MYO5B: variants seen among roughly 807,000 people sequenced by gnomAD.
MYO5B encodes the protein unconventional myosin-Vb.
A neutral mutation model predicts 229.3 loss-of-function variants in MYO5B; 143 were observed. The observed-to-expected ratio is 0.62, with a 90% CI of 0.54 to 0.72. The LOEUF (loss-of-function observed/expected upper bound fraction) is 0.72, where lower values mean the gene tolerates loss of function less well. Ranked by LOEUF, MYO5B falls within the 30% of genes least tolerant of loss-of-function variation. MYO5B has a pLI of 0.00. For synonymous variants in MYO5B, 918 were observed against 885.2 expected, an observed-to-expected ratio of 1.04 and a Z score of -0.66; for missense variants, 2,321 against 2,331.0, an observed-to-expected ratio of 1.00 and a Z score of 0.09.
At chr18:50,022,703 G>A (rs1477530174) in intron 4 of MYO5B, among the ~76,000 whole-genome samples, 14 of 152,134 alleles carry the variant, frequency 9.2e-5, no homozygotes, top group Admixed American at 8.5e-4. Context: ...TTTGCACCAC[G>A]GTCAGAGAGA....
Position 49,875,275 on chromosome 18 carries a change from G to A in MYO5B, c.3537+412C>T, listed in dbSNP as rs567655047. ...AAAGTGAGTGACACACACTTGGTCT[G>A]CCTCTGACCCAAAAAGGCTGAACCC... On this transcript the variant is annotated intron_variant, in intron 26 of 39. Coordinates refer to ENST00000285039, the MANE Select transcript of MYO5B (RefSeq NM_001080467.3). 9.8e-5 allele frequency among the ~76,000 whole-genome samples: 15 copies of A among 152,296 alleles called. No individual in the cohort carries two copies. The South Asian group carries it at 2.9e-3, about 30-fold the overall frequency.
At chr18:50,038,797 C>G (rs1281182152) in intron 3 of MYO5B, among the ~76,000 whole-genome samples, 1 of 152,196 alleles carries the variant, frequency 6.6e-6, no homozygotes, top group Non-Finnish European at 1.5e-5. Flanking sequence ...CTGATGGTCA[C>G]TTATCTTTTT....
chr18:49,841,100 G>T (rs963034807), intron 35 of MYO5B, among the ~76,000 whole-genome samples: 2 of 152,194 alleles, frequency 1.3e-5, no homozygotes, highest in Non-Finnish European at 2.9e-5. Flanking sequence ...GGCCTCTATT[G>T]ATCATGGGTT....
chr18:50,002,811 G>A (rs556310869), intron 4 of MYO5B, among the ~76,000 whole-genome samples: 1 of 152,228 alleles, frequency 6.6e-6, no homozygotes, highest in East Asian at 1.9e-4. Flanking sequence ...TCCATATGAG[G>A]ACAGGTTTAG....
intron 1 of MYO5B, among the ~76,000 whole-genome samples, chr18:50,080,587 C>T (rs2031196573): frequency 6.6e-6 from 1 of 152,144 alleles, no homozygotes; most frequent in African/African-American, 2.4e-5. Context: ...CCACAGTCAC[C>T]AGAAGCCTCC....
chr18:49,930,854 T>C (rs1191682318), intron 16 of MYO5B, among the ~76,000 whole-genome samples: 3 of 149,556 alleles, frequency 2.0e-5, no homozygotes, highest in Non-Finnish European at 3.0e-5. Flanking sequence ...ATCGTGCCAC[T>C]GCACTGCAGC....
chr18:50,000,518 C>G (rs2026034474), intron 5 of MYO5B, among the ~76,000 whole-genome samples: 1 of 152,162 alleles, frequency 6.6e-6, no homozygotes, highest in South Asian at 2.1e-4. Flanking sequence ...TCATTCTAAT[C>G]CATCAAAATG....
At chr18:49,854,112 T>A (rs2144061765) in intron 30 of MYO5B, among the ~76,000 whole-genome samples, 1 of 152,352 alleles carries the variant, frequency 6.6e-6, no homozygotes, top group South Asian at 2.1e-4. Context: ...TGTGGCAGAT[T>A]CTCCACAAGT....
intron 22 of MYO5B, among the ~76,000 whole-genome samples, chr18:49,885,479 A>T (rs1463288217): frequency 6.6e-6 from 1 of 152,170 alleles, no homozygotes; most frequent in Non-Finnish European, 1.5e-5. Context: ...ACTTCATGGC[A>T]TTAAAACCCA....
intron 27 of MYO5B, among the ~76,000 whole-genome samples, chr18:49,870,424 AG>A (rs1475020273): frequency 6.6e-6 from 1 of 152,244 alleles, no homozygotes; most frequent in African/African-American, 2.4e-5. Context: ...GCAACAATAT[AG>A]ACAAATTGGA....
At position 50,144,971 on chromosome 18, in the gene MYO5B, C is replaced by G. The variant is rs148750985; in HGVS notation, c.27+49796G>C. Among the ~76,000 whole-genome samples, 6 of 152,250 alleles carry G rather than the reference C, an allele frequency of 3.9e-5. No homozygotes were observed. In the East Asian group the frequency reaches 1.2e-3, roughly 29 times the overall value. The stretch of plus-strand genomic sequence containing the variant: ...AATCCCTCAGAGTGTTGGGGACACT[C>G]AGGGCTCAATACAGGCCTTGAATCA... On this transcript the variant is annotated intron_variant, in intron 1 of 39. Coordinates refer to ENST00000285039, the MANE Select transcript of MYO5B (RefSeq NM_001080467.3).
At chr18:50,134,509 C>G (rs535667020) in intron 1 of MYO5B, among the ~76,000 whole-genome samples, 4 of 151,584 alleles carry the variant, frequency 2.6e-5, no homozygotes, top group African/African-American at 9.7e-5. Context: ...GAGCCGAGAT[C>G]GCGCCATTGC....
Position 50,060,860 on chromosome 18 carries a change from G to C in MYO5B, c.28-5482C>G, listed in dbSNP as rs554251672. Among the ~76,000 whole-genome samples, 27 of 152,258 alleles carry C rather than the reference G, an allele frequency of 1.8e-4. No individual in the cohort carries two copies. In the South Asian group the frequency reaches 5.6e-3, roughly 32 times the overall value. On this transcript the variant is annotated intron_variant, in intron 1 of 39. Coordinates refer to ENST00000285039, the MANE Select transcript of MYO5B (RefSeq NM_001080467.3). The stretch of plus-strand genomic sequence containing the variant: ...CCCATCCTACTTTTATCAACCTCTA[G>C]GGGTGGGAACCAGGTAGTGTTTTCT...
rs2032251965 is a variant in MYO5B, at chr18:50,131,364, C to T, written c.27+63403G>A. Among the ~76,000 whole-genome samples, 3 of 152,254 alleles carry T rather than the reference C, an allele frequency of 2.0e-5. No individual in the cohort carries two copies. The Middle Eastern group carries it at 0.01, about 521-fold the overall frequency. On this transcript the variant is annotated intron_variant, in intron 1 of 39. Transcript: ENST00000285039. Reference sequence around the variant, plus strand: ...CACATTTGTACCATGAGTCTTTGAGCACACCAATAGGACTATGAAACAGGC... The same window carrying T: ...CACATTTGTACCATGAGTCTTTGAGTACACCAATAGGACTATGAAACAGGC...
intron 16 of MYO5B, among the ~76,000 whole-genome samples, chr18:49,932,113 C>A (rs1322167329): frequency 6.6e-6 from 1 of 152,170 alleles, no homozygotes; most frequent in African/African-American, 2.4e-5. Context: ...TGAGCAGAAG[C>A]TCATTGAGAA....
At position 49,880,431 on chromosome 18, in the gene MYO5B, T is replaced by G; in HGVS notation, c.3070A>C (p.Asn1024His). 1 of 1,614,156 alleles carries G rather than the reference T, an allele frequency of 6.2e-7. No homozygotes were observed. The highest frequency in any genetic ancestry group is 8.5e-7 in the Non-Finnish European group (1 of 1,180,002). ...TCTTTCTCATCTTTCAAGAGAGCAT[T>G]TTCTTGCTCCAGGTCTGCAACTCGC... ...RKRVADLEQE[N>H]ALLKDEKEQL... The change falls in exon 23 of 40, where the codon AAT becomes CAT. Residue 1024 changes from asparagine to histidine, a missense_variant. Physicochemically the swap from Asn to His is moderately conservative, Grantham distance 68 (BLOSUM62 1). Around this residue, in one of 2 missense-constraint regions of MYO5B, gnomAD observed 2,113 missense variants for 2,044.7 expected, o/e 1.03. Transcript: ENST00000285039.
At chr18:50,007,634 C>A (rs954164337) in intron 4 of MYO5B, among the ~76,000 whole-genome samples, 2 of 152,206 alleles carry the variant, frequency 1.3e-5, no homozygotes, top group African/African-American at 4.8e-5. Flanking sequence ...TCAAGCCACA[C>A]AGAGGTTCTT....
At chr18:50,054,350 G>A (rs1598985373) in intron 2 of MYO5B, among the ~76,000 whole-genome samples, 1 of 152,186 alleles carries the variant, frequency 6.6e-6, no homozygotes, top group South Asian at 2.1e-4. Context: ...AAAATAAAAA[G>A]AGTGGGTTCC....
At position 49,954,454 on chromosome 18, in the gene MYO5B, G is replaced by A; in HGVS notation, c.1546-19C>T. 6.2e-7 allele frequency: 1 copy of A among 1,613,730 alleles called. No individual in the cohort carries two copies. The highest frequency in any genetic ancestry group is 8.5e-7 in the Non-Finnish European group (1 of 1,179,760). On this transcript the variant is annotated intron_variant, in intron 12 of 39. Transcript: ENST00000285039. ...TGGGGACCTGCAGAACCACAAGATA[G>A]GGCAGAGCGCTTTGTGAAGAGGAAG...
Sources: gnomAD v4.1 joint callset for allele counts (sites outside exome capture counted in the v4.1 genomes callset) on GRCh38, gnomAD v4.1.1 for gene constraint, gnomAD v4.1.1 regional missense constraint, MANE v1.5 for transcripts, NCBI Gene and HGNC (gene_info 2026-07-23, HGNC 2026-07-21) for gene names.